Variants in PCARE observed in about 807,000 individuals in gnomAD.
PCARE encodes the protein photoreceptor cilium actin regulator, also known as uncharacterized protein C2orf71.
PCARE carries 72 observed loss-of-function variants against 82.2 expected under a neutral mutation model. That is an observed-to-expected ratio of 0.88 (90% confidence interval 0.72 to 1.07). PCARE has a LOEUF of 1.07. Among genes scored for constraint, PCARE ranks in the 50% least tolerant of loss-of-function variants. PCARE has a pLI of 0.00. For missense variants in PCARE, 1,768 were observed against 1,592.4 expected (o/e 1.11, Z -1.88); for synonymous variants, 705 against 634.8 (o/e 1.11, Z -1.66).
At position 29,071,154 on chromosome 2, in the gene PCARE, G is replaced by A. The variant is rs1667471256; in HGVS notation, c.3108C>T (p.Pro1036=). The change falls in exon 1 of 2, where the codon CCC becomes CCT. Residue 1036 remains proline (P), a synonymous_variant. Transcript: ENST00000331664. ...VQTPPSPPVS[P]RVLSPPTTKR... ...TTGTGGTGGGTGGGCTTAGCACCCTGGGGCTCACAGGTGGGCTGGGGGGCG... is the reference window on the plus strand; with the variant it reads ...TTGTGGTGGGTGGGCTTAGCACCCTAGGGCTCACAGGTGGGCTGGGGGGCG... The A allele has an allele frequency of 1.9e-6, 3 of 1,580,650 alleles. 1 individual carries two copies. Among genetic ancestry groups the A allele is most frequent in the Non-Finnish European group, 2.6e-6 (3 of 1,163,338 alleles).
At chr2:29,065,661 G>C (rs1009147151) in intron 1 of PCARE, among the ~76,000 whole-genome samples, 1 of 152,230 alleles carries the variant, frequency 6.6e-6, no homozygotes, top group Non-Finnish European at 1.5e-5. Flanking sequence ...AGTGCAGAAT[G>C]GAGGGTGGCC....
chr2:29,071,067 AG>A lies in PCARE; in HGVS notation c.3194del (p.Pro1065LeufsTer48), dbSNP rs2148415027. The part of the protein sequence containing the change: ...KLPNPPPESA[P>X]AQCKVPSPPT... ...GGGGGCTGGGGACCTTGCACTGAGCAGGTGCACTCTCGGGGGGAGGGTTGGG... is the reference window on the plus strand; with the variant it reads ...GGGGGCTGGGGACCTTGCACTGAGCAGTGCACTCTCGGGGGGAGGGTTGGG... On this transcript the variant is annotated frameshift_variant, in exon 1 of 2. Coordinates refer to ENST00000331664, the MANE Select transcript of PCARE (RefSeq NM_001029883.3). LOFTEE classifies it high-confidence loss of function. 9.2e-7 allele frequency: 1 copy of A among 1,090,706 alleles called. No individual in the cohort carries two copies. Among genetic ancestry groups the A allele is most frequent in the South Asian group, 1.7e-5 (1 of 60,598 alleles). 67.6% of individuals were successfully genotyped at this position (1,090,706 alleles called of 1,614,324 possible). A position where few individuals can be genotyped will look rare whatever the true frequency, so the allele number is the denominator to read the frequency against.
In PCARE at chr2:29,073,462, A is replaced by T. The variant is rs776303222; in HGVS notation, c.800T>A (p.Leu267Gln). 1 of 1,614,198 alleles carries T rather than the reference A, an allele frequency of 6.2e-7. No homozygotes were observed. Among genetic ancestry groups the T allele is most frequent in the Non-Finnish European group, 8.5e-7 (1 of 1,180,038 alleles). ...KREPQEQPNL[L>Q]QQLLQYTVSK... ...GACTGTGTACTGTAGCAGCTGTTGC[A>T]GGAGATTTGGCTGCTCCTGGGGCTC... is the stretch of plus-strand genomic sequence containing the variant. Residue 267 changes from leucine to glutamine, a missense_variant, in exon 1 of 2, where the codon CTG (leucine) becomes CAG (glutamine). Coordinates refer to ENST00000331664, the MANE Select transcript of PCARE (RefSeq NM_001029883.3).
chr2:29,071,846 GA>G lies in PCARE; in HGVS notation c.2415del (p.Pro807LeufsTer32), dbSNP rs1412522034. The G allele has an allele frequency of 1.2e-6, 2 of 1,614,254 alleles. No homozygotes were observed. Among genetic ancestry groups the G allele is most frequent in the South Asian group, 2.2e-5 (2 of 91,086 alleles). ...GIGWKPLAPI[F>X]PPLPKAEAAK... ...GCTGCTTCTGCTTTAGGCAGAGGGG[GA>G]AAGATAGGTGCTAAGGGCTTCCAGC... On this transcript the variant is annotated frameshift_variant, in exon 1 of 2. Coordinates refer to ENST00000331664, the MANE Select transcript of PCARE (RefSeq NM_001029883.3). LOFTEE classifies it high-confidence loss of function.
chr2:29,070,536 G>C, intron 1 of PCARE, 58 bp downstream of exon 1: 2 of 1,605,822 alleles, frequency 1.2e-6, no homozygotes, highest in Non-Finnish European at 1.7e-6. Context: ...TGGCCCATTC[G>C]CTCTGTTCCT....
Position 29,071,999 on chromosome 2 carries a change from C to T in PCARE, c.2263G>A (p.Ala755Thr), listed in dbSNP as rs1002848166. The change falls in exon 1 of 2, where the codon GCA becomes ACA. Residue 755 changes from alanine (A) to threonine (T), a missense_variant. Transcript: ENST00000331664. ...ATGCAATTCCTGAGGCAGGGACTTGCCCCAGCGTCCTTAGAGTCCCCCAGC... is the reference window on the plus strand; with the variant it reads ...ATGCAATTCCTGAGGCAGGGACTTGTCCCAGCGTCCTTAGAGTCCCCCAGC... ...RMLGDSKDAG[A>T]SPCLRNCIMP... 43 of 1,613,770 alleles carry T rather than the reference C, an allele frequency of 2.7e-5. No individual in the cohort carries two copies. The highest frequency in any genetic ancestry group is 3.4e-5 in the Non-Finnish European group (40 of 1,179,834).
At position 29,073,881 on chromosome 2, in the gene PCARE, T is replaced by C. The variant is rs766254332; in HGVS notation, c.381A>G (p.Ala127=). The C allele has an allele frequency of 3.1e-6, 5 of 1,614,134 alleles. No individual in the cohort carries two copies. In the South Asian group the frequency reaches 5.5e-5, roughly 18 times the overall value. The part of the protein sequence containing the change: ...KTQGSHGSQG[A]DFSGDESEES... ...CCTCACTCTCATCTCCAGAAAAGTC[T>C]GCCCCTTGTGATCCATGGGAACCCT... is the stretch of plus-strand genomic sequence containing the variant. Residue 127 remains alanine (A), a synonymous_variant, in exon 1 of 2, where the codon GCA becomes GCG. Coordinates refer to ENST00000331664, the MANE Select transcript of PCARE (RefSeq NM_001029883.3).
intron 1 of PCARE, 56 bp from the exon 2 acceptor site, chr2:29,065,123 T>G: frequency 1.3e-6 from 2 of 1,520,700 alleles, no homozygotes; most frequent in South Asian, 2.4e-5. Context: ...TGCTCCTTCC[T>G]GCCCCACCCC....
In PCARE at chr2:29,073,307, C is replaced by A; in HGVS notation, c.955G>T (p.Glu319Ter). The A allele has an allele frequency of 6.2e-7, 1 of 1,614,188 alleles. No individual in the cohort carries two copies. Among genetic ancestry groups the A allele is most frequent in the South Asian group, 1.1e-5 (1 of 91,078 alleles). ...TGCCTCAGAGCCCTCAGGAGGCGTTCATCCACATTCCTTTTTGTGCTCAGC... is the reference window on the plus strand; with the variant it reads ...TGCCTCAGAGCCCTCAGGAGGCGTTAATCCACATTCCTTTTTGTGCTCAGC... The part of the protein sequence containing the change: ...NKLSTKRNVD[E>*]RLLRALRQLE... Residue 319 changes from glutamate to a stop codon, truncating the protein, a stop_gained, in exon 1 of 2, where the codon GAA becomes TAA. Transcript: ENST00000331664. LOFTEE classifies it high-confidence loss of function.
Position 29,074,132 on chromosome 2 carries a change from G to T in PCARE, c.130C>A (p.Leu44Met), listed in dbSNP as rs1249043654. ...TCATAGCAGGTGGAGTTTTTAACCA[G>T]CAAAGGGATGGAACCTCTTTCACTT... ...GGSERGSIPL[L>M]VKNSTCYDAG... Residue 44 changes from leucine (L) to methionine (M), a missense_variant, in exon 1 of 2, where the codon CTG becomes ATG. Transcript: ENST00000331664. The T allele has an allele frequency of 1.2e-6, 2 of 1,614,010 alleles. No individual in the cohort carries two copies. Among genetic ancestry groups the T allele is most frequent in the East Asian group, 4.5e-5 (2 of 44,872 alleles).
At position 29,065,023 on chromosome 2, in the gene PCARE, C is replaced by T; in HGVS notation, c.3713G>A (p.Ser1238Asn). The change falls in exon 2 of 2, where the codon AGC becomes AAC. Residue 1238 changes from serine to asparagine, a missense_variant. By Grantham distance (46) the Ser-to-Asn change is conservative (BLOSUM62 1). Coordinates refer to ENST00000331664, the MANE Select transcript of PCARE (RefSeq NM_001029883.3). ...SPKKDTEPGS[S>N]PCSPELQGGT... ...GCCCTGCAGTTCAGGGGAACAGGGG[C>T]TGCTCCCCGGCTCTGTGTCCTTCTT... The T allele has an allele frequency of 1.9e-6, 3 of 1,556,938 alleles. No homozygotes were observed. The highest frequency in any genetic ancestry group is 2.6e-6 in the Non-Finnish European group (3 of 1,150,184).
chr2:29,065,536 C>T (rs751028076), intron 1 of PCARE, among the ~76,000 whole-genome samples: 11 of 152,270 alleles, frequency 7.2e-5, no homozygotes, highest in African/African-American at 1.2e-4. Flanking sequence ...CCAGCGCAGG[C>T]CCCGCATTTG....
In PCARE at chr2:29,071,099, T is replaced by C; in HGVS notation, c.3163A>G (p.Lys1055Glu). ...CTCTCGGGGGGAGGGTTGGGCAACT[T>C]GGGCTGGTGCGGTGGGGAAGTTCGC... ...KRRTSPPHQP[K>E]LPNPPPESAP... Residue 1055 changes from lysine to glutamate, a missense_variant, in exon 1 of 2, where the codon AAG becomes GAG. Lys to Glu is a moderately conservative substitution (Grantham distance 56, BLOSUM62 1). Coordinates refer to ENST00000331664, the MANE Select transcript of PCARE (RefSeq NM_001029883.3). The C allele has an allele frequency of 6.4e-7, 1 of 1,572,562 alleles. No individual in the cohort carries two copies. The highest frequency in any genetic ancestry group is 1.4e-5 in the African/African-American group (1 of 70,612).
rs267606691 is a variant in PCARE at position 29,073,706 on chromosome 2, G to A, written c.556C>T (p.Gln186Ter). The A allele has an allele frequency of 6.2e-7, 1 of 1,613,736 alleles. No homozygotes were observed. Among genetic ancestry groups the A allele is most frequent in the Non-Finnish European group, 8.5e-7 (1 of 1,179,922 alleles). The change falls in exon 1 of 2, where the codon CAG (glutamine) becomes TAG (stop). Residue 186 changes from glutamine (Q) to a stop codon, truncating the protein, a stop_gained. Transcript: ENST00000331664. LOFTEE classifies it high-confidence loss of function. ...CTGGAGTGTAGATAGGTGTAAGCCTGCTGGTGGGCCTTTACCAGAGGCTCC... is the reference window on the plus strand; with the variant it reads ...CTGGAGTGTAGATAGGTGTAAGCCTACTGGTGGGCCTTTACCAGAGGCTCC... ...FPEPLVKAHQ[Q>*]AYTYLHSSLS...
chr2:29,074,021 G>A lies in PCARE; in HGVS notation c.241C>T (p.Pro81Ser). 2 of 1,614,158 alleles carry A rather than the reference G, an allele frequency of 1.2e-6. No homozygotes were observed. Among genetic ancestry groups the A allele is most frequent in the East Asian group, 2.2e-5 (1 of 44,882 alleles). The change falls in exon 1 of 2, where the codon CCT becomes TCT. Residue 81 changes from proline (P) to serine (S), a missense_variant. Coordinates refer to ENST00000331664, the MANE Select transcript of PCARE (RefSeq NM_001029883.3). Reference protein sequence around the residue: ...AKGLCQLMGDPASGKRKDMEG... With the variant: ...AKGLCQLMGDSASGKRKDMEG... ...ATATCTTTCCTTTTGCCTGAAGCAGGATCTCCCATGAGCTGACAAAGACCT... is the reference window on the plus strand; with the variant it reads ...ATATCTTTCCTTTTGCCTGAAGCAGAATCTCCCATGAGCTGACAAAGACCT...
rs187757111 is a variant in PCARE at position 29,062,662 on chromosome 2, G to A, written c.*2207C>T. On this transcript the variant is annotated 3_prime_UTR_variant, in exon 2 of 2. Transcript: ENST00000331664. ...GCATGGCCACAGCAGGGGGCACTCGGCCACCCTTTCCACTTTCTACCCAGC... is the reference window on the plus strand; with the variant it reads ...GCATGGCCACAGCAGGGGGCACTCGACCACCCTTTCCACTTTCTACCCAGC... 4.7e-4 allele frequency: 72 copies of A among 152,412 alleles called. No homozygotes were observed. Among genetic ancestry groups the A allele is most frequent in the Non-Finnish European group, 9.3e-4 (63 of 68,092 alleles). The allele number at this position is 152,412 out of a possible 1,614,324, so 9.4% of individuals were successfully genotyped here.
At position 29,072,734 on chromosome 2, in the gene PCARE, G is replaced by A. The variant is rs1462030364; in HGVS notation, c.1528C>T (p.Pro510Ser). ...GGTGAAGATTGTGGCCTTGAATGTG[G>A]AGTTTTTTCCTGCCAGGCACACAGA... is the stretch of plus-strand genomic sequence containing the variant. ...MSLCAWQEKT[P>S]HSRPQSSPAD... Residue 510 changes from proline to serine, a missense_variant, in exon 1 of 2, where the codon CCA becomes TCA. Transcript: ENST00000331664. The A allele has an allele frequency of 6.2e-7, 1 of 1,613,950 alleles. No individual in the cohort carries two copies. Among genetic ancestry groups the A allele is most frequent in the Non-Finnish European group, 8.5e-7 (1 of 1,180,048 alleles).
In PCARE at chr2:29,073,661, T is replaced by A. The variant is rs267606690; in HGVS notation, c.601A>T (p.Ile201Phe). ...LHSSLSKYEA[I>F]LCIIHQATQT... ...GTGGCCTGATGGATGATGCACAGAATTGCTTCATATTTGGAGAGGCTGGAG... is the reference window on the plus strand; with the variant it reads ...GTGGCCTGATGGATGATGCACAGAAATGCTTCATATTTGGAGAGGCTGGAG... The change falls in exon 1 of 2, where the codon ATT becomes TTT. Residue 201 changes from isoleucine (I) to phenylalanine (F), a missense_variant. By Grantham distance (21) the Ile-to-Phe change is conservative. Coordinates refer to ENST00000331664, the MANE Select transcript of PCARE (RefSeq NM_001029883.3). 1 of 1,614,170 alleles carries A rather than the reference T, an allele frequency of 6.2e-7. No homozygotes were observed. Among genetic ancestry groups the A allele is most frequent in the Non-Finnish European group, 8.5e-7 (1 of 1,180,020 alleles).
chr2:29,070,415 G>A (rs1035599210), intron 1 of PCARE, among the ~76,000 whole-genome samples, 179 bp downstream of exon 1: 2 of 152,180 alleles, frequency 1.3e-5, no homozygotes, highest in Non-Finnish European at 1.5e-5. Flanking sequence ...TAAGAGCACA[G>A]TAACTCAAGG....
Sources: gnomAD v4.1 joint callset for allele counts (sites outside exome capture counted in the v4.1 genomes callset) on GRCh38, gnomAD v4.1.1 for gene constraint, MANE v1.5 for transcripts, NCBI Gene and HGNC (gene_info 2026-07-23, HGNC 2026-07-21) for gene names.